Variants in DBF4 observed in about 807,000 individuals in gnomAD.
DBF4 encodes the protein DBF4-CDC7 kinase regulatory subunit, also known as protein DBF4 homolog A.
DBF4 carries 25 observed loss-of-function variants against 76.6 expected under a neutral mutation model. The observed-to-expected ratio is 0.33, with a 90% CI of 0.24 to 0.46. The LOEUF (loss-of-function observed/expected upper bound fraction) is 0.46, where lower values mean the gene tolerates loss of function less well. DBF4 is among the 20% of genes least tolerant of loss of function. DBF4 has a pLI of 1.00. For synonymous variants in DBF4, 213 were observed against 258.0 expected, an observed-to-expected ratio of 0.83 and a Z score of 1.67; for missense variants, 638 against 760.8, an observed-to-expected ratio of 0.84 and a Z score of 1.90.
rs1405824349 is a variant in DBF4, at chr7:87,900,817, AAGAG to A, written c.865_868del (p.Glu289ArgfsTer17). ...GGAACCTCAATTCAACTCCAGTTGA[AAGAG>A]AAGAAGAAAAAAGGATATTGTGAAT... On this transcript the variant is annotated frameshift_variant, in exon 10 of 12. Transcript: ENST00000265728. LOFTEE classifies it high-confidence loss of function. The A allele has an allele frequency of 1.9e-6, 3 of 1,613,416 alleles. No homozygotes were observed. Among genetic ancestry groups the A allele is most frequent in the Non-Finnish European group, 2.5e-6 (3 of 1,179,744 alleles).
chr7:87,890,192 C>A (rs1021953023), intron 6 of DBF4, among the ~76,000 whole-genome samples: 2 of 152,248 alleles, frequency 1.3e-5, no homozygotes, highest in South Asian at 4.1e-4. Context: ...ATATTGATCA[C>A]AACTCTGAAT....
At chr7:87,877,255 T>C (rs760451721) in intron 1 of DBF4, among the ~76,000 whole-genome samples, 6 of 152,210 alleles carry the variant, frequency 3.9e-5, no homozygotes. Context: ...TCCTCATAAG[T>C]TGGGGGAAAG....
intron 10 of DBF4, among the ~76,000 whole-genome samples, chr7:87,903,358 C>T (rs754501020): frequency 1.3e-5 from 2 of 152,180 alleles, no homozygotes; most frequent in Admixed American, 6.5e-5. Flanking sequence ...GGACTACAGG[C>T]GTAAGCCACT....
chr7:87,893,391 G>T (rs10241736), intron 6 of DBF4, among the ~76,000 whole-genome samples: 1 of 151,394 alleles, frequency 6.6e-6, no homozygotes, highest in Non-Finnish European at 1.5e-5. Context: ...GACTACAGGC[G>T]CCCGCCACCG....
chr7:87,881,095 C>T (rs1839201778), intron 2 of DBF4, among the ~76,000 whole-genome samples: 1 of 152,176 alleles, frequency 6.6e-6, no homozygotes, highest in Non-Finnish European at 1.5e-5. Flanking sequence ...GCACTGCACT[C>T]TGTGTTTTGG....
chr7:87,878,335 C>G, intron 2 of DBF4, 110 bp downstream of exon 2: 1 of 840,242 alleles, frequency 1.2e-6, no homozygotes. Context: ...TAGCACCAAG[C>G]TTAACATTTT....
Position 87,907,918 on chromosome 7 carries a change from G to A in DBF4, c.1780G>A (p.Ala594Thr), listed in dbSNP as rs1393622829. Residue 594 changes from alanine (A) to threonine (T), a missense_variant, in exon 12 of 12, where the codon GCT (alanine) becomes ACT (threonine). Transcript: ENST00000265728. Reference protein sequence around the residue: ...RNRKENLEPNAEFDKRTEFIT... With the variant: ...RNRKENLEPNTEFDKRTEFIT... ...TAGAAAAGAAAATCTGGAACCAAAT[G>A]CTGAATTTGATAAAAGAACTGAATT... The A allele has an allele frequency of 1.3e-5, 21 of 1,612,472 alleles. No individual in the cohort carries two copies. The highest frequency in any genetic ancestry group is 1.8e-5 in the Non-Finnish European group (21 of 1,179,634).
chr7:87,899,786 C>T (rs1388871842), intron 8 of DBF4, among the ~76,000 whole-genome samples: 2 of 152,170 alleles, frequency 1.3e-5, no homozygotes, highest in Non-Finnish European at 2.9e-5. Flanking sequence ...TGCATGATTC[C>T]ACTCCTGAAG....
Position 87,897,332 on chromosome 7 carries a change from A to G in DBF4, c.673A>G (p.Met225Val), listed in dbSNP as rs1339576431. 4.3e-6 allele frequency: 7 copies of G among 1,612,712 alleles called. No individual in the cohort carries two copies. Among genetic ancestry groups the G allele is most frequent in the Admixed American group, 1.7e-5 (1 of 59,922 alleles). ...LKKPFVKVEDMSQLYRPFYLQ... is the reference protein window; with the variant it reads ...LKKPFVKVEDVSQLYRPFYLQ... ...AAAGCCTTTTGTAAAGGTGGAAGATATGAGCCAGTAAGTATTTAAGTCCAA... is the reference window on the plus strand; with the variant it reads ...AAAGCCTTTTGTAAAGGTGGAAGATGTGAGCCAGTAAGTATTTAAGTCCAA... The change falls in exon 8 of 12, where the codon ATG becomes GTG. Residue 225 changes from methionine (M) to valine (V), a missense_variant. Transcript: ENST00000265728.
intron 8 of DBF4, among the ~76,000 whole-genome samples, chr7:87,899,422 C>A (rs145855407): frequency 4.6e-5 from 7 of 152,148 alleles, no homozygotes; most frequent in African/African-American, 9.6e-5. Context: ...AACAACAAAA[C>A]AACCCAATTT....
chr7:87,907,113 T>C, intron 11 of DBF4, 75 bp from the exon 12 acceptor site: 1 of 1,308,108 alleles, frequency 7.6e-7, no homozygotes, highest in Non-Finnish European at 1.0e-6. Context: ...TTTTTACTAA[T>C]TTAATTTCTA....
In DBF4 at chr7:87,907,198, A is replaced by C; in HGVS notation, c.1060A>C (p.Ser354Arg). Residue 354 changes from serine to arginine, a missense_variant, in exon 12 of 12, where the codon AGT (serine) becomes CGT (arginine). Physicochemically the swap from Ser to Arg is moderately radical, Grantham distance 110. Transcript: ENST00000265728. ...ATTTTTCCTACAAAGAATAAAATACAGTGTTGGATCCCTTTCTCCTGTTTC... is the reference window on the plus strand; with the variant it reads ...ATTTTTCCTACAAAGAATAAAATACCGTGTTGGATCCCTTTCTCCTGTTTC... ...DTPKKKRIKY[S>R]VGSLSPVSAS... The C allele has an allele frequency of 6.4e-7, 1 of 1,573,578 alleles. No homozygotes were observed. The highest frequency in any genetic ancestry group is 8.6e-7 in the Non-Finnish European group (1 of 1,165,770).
chr7:87,896,246 T>C, intron 6 of DBF4: 1 of 390,462 alleles, frequency 2.6e-6, no homozygotes, highest in South Asian at 4.9e-5. Context: ...CTTTTCATTA[T>C]TGGTTTTCTT....
intron 2 of DBF4, among the ~76,000 whole-genome samples, chr7:87,883,060 G>A (rs1456433191): frequency 6.6e-6 from 1 of 152,060 alleles, no homozygotes; most frequent in African/African-American, 2.4e-5. Flanking sequence ...AGATAAAGAA[G>A]AGGTTGTATA....
chr7:87,893,333 C>T (rs532625868), intron 6 of DBF4, among the ~76,000 whole-genome samples: 46 of 151,214 alleles, frequency 3.0e-4, no homozygotes, highest in Admixed American at 5.3e-4. Flanking sequence ...GCAAGCTCCG[C>T]TTCCCGGGTT....
intron 10 of DBF4, among the ~76,000 whole-genome samples, chr7:87,902,555 C>T (rs1023047249): frequency 6.6e-6 from 1 of 151,984 alleles, no homozygotes; most frequent in Non-Finnish European, 1.5e-5. Flanking sequence ...GGTTATTTAA[C>T]CTAGAATGAG....
rs572115188 is a variant in DBF4 at position 87,908,941 on chromosome 7, T to A, written c.*778T>A. 1.3e-5 allele frequency: 2 copies of A among 152,346 alleles called. No homozygotes were observed. The highest frequency in any genetic ancestry group is 4.1e-4 in the South Asian group (2 of 4,838). The allele number at this position is 152,346 out of a possible 1,614,324, so 9.4% of individuals were successfully genotyped here. A position where few individuals can be genotyped will look rare whatever the true frequency, so the allele number is the denominator to read the frequency against. The stretch of plus-strand genomic sequence containing the variant: ...AAAAATACAAAAAATTAGCTGGGCA[T>A]GGCGGCATGCGCCTGTAGTCCCAGC... On this transcript the variant is annotated 3_prime_UTR_variant, in exon 12 of 12. Transcript: ENST00000265728.
intron 6 of DBF4, chr7:87,888,501 G>A (rs1839415107): frequency 5.8e-6 from 1 of 173,846 alleles, no homozygotes; most frequent in Admixed American, 6.5e-5. Flanking sequence ...AACCACATTG[G>A]TTGTTAACGT....
chr7:87,885,310 T>C (rs997969432), intron 3 of DBF4, 152 bp downstream of exon 3: 9 of 577,294 alleles, frequency 1.6e-5, no homozygotes, highest in Non-Finnish European at 5.8e-6. Flanking sequence ...AAAGTTGCTG[T>C]CTTTTAGGAA....
Sources: gnomAD v4.1 joint callset for allele counts (sites outside exome capture counted in the v4.1 genomes callset) on GRCh38, gnomAD v4.1.1 for gene constraint, MANE v1.5 for transcripts, NCBI Gene and HGNC (gene_info 2026-07-23, HGNC 2026-07-21) for gene names.